Variants in UBXN7 observed in about 807,000 individuals in gnomAD.
UBXN7 encodes UBX domain-containing protein 7.
A neutral mutation model predicts 58.0 loss-of-function variants in UBXN7; 9 were observed. The observed-to-expected ratio is 0.16, with a 90% CI of 0.09 to 0.27. The LOEUF (loss-of-function observed/expected upper bound fraction) is 0.27, where lower values mean the gene tolerates loss of function less well. Among genes scored for constraint, UBXN7 ranks in the 10% least tolerant of loss-of-function variants. The probability of loss-of-function intolerance (pLI) is 1.00; values close to 1 mark genes in which losing one functional copy is unlikely to be tolerated. For synonymous variants in UBXN7, 208 were observed against 205.0 expected, an observed-to-expected ratio of 1.01 and a Z score of -0.12; for missense variants, 328 against 599.6, an observed-to-expected ratio of 0.55 and a Z score of 4.73.
chr3:196,360,182 T>C (rs1220671261), intron 10 of UBXN7, among the ~76,000 whole-genome samples: 2 of 152,192 alleles, frequency 1.3e-5, no homozygotes, highest in Non-Finnish European at 2.9e-5. Context: ...AAGCAGCAAG[T>C]GCTGATGCAG....
At chr3:196,375,023 G>A (rs1728968647) in intron 5 of UBXN7, among the ~76,000 whole-genome samples, 1 of 145,332 alleles carries the variant, frequency 6.9e-6, no homozygotes, top group Admixed American at 6.8e-5. Flanking sequence ...AGGAAGGAAG[G>A]AAGGAAGGAA....
intron 5 of UBXN7, among the ~76,000 whole-genome samples, chr3:196,390,936 A>G (rs1022231371): frequency 6.6e-6 from 1 of 152,160 alleles, no homozygotes; most frequent in Non-Finnish European, 1.5e-5. Context: ...GGTCCCAAGG[A>G]TTATTAAAAA....
chr3:196,385,356 C>G (rs1405823811), intron 5 of UBXN7, among the ~76,000 whole-genome samples: 1 of 152,188 alleles, frequency 6.6e-6, no homozygotes, highest in African/African-American at 2.4e-5. Flanking sequence ...TCGCTACAAC[C>G]TCCACCTCCC....
At chr3:196,370,775 C>G (rs1289713204) in intron 6 of UBXN7, among the ~76,000 whole-genome samples, 1 of 147,430 alleles carries the variant, frequency 6.8e-6, no homozygotes, top group Non-Finnish European at 1.5e-5. Context: ...AATCCCAGCA[C>G]TTTGGGAAGC....
chr3:196,427,173 T>G (rs948333302), intron 1 of UBXN7, among the ~76,000 whole-genome samples: 2 of 152,228 alleles, frequency 1.3e-5, no homozygotes, highest in African/African-American at 4.8e-5. Flanking sequence ...ATTATTCTGA[T>G]TACACATGTG....
chr3:196,359,968 T>A (rs1006502964), intron 10 of UBXN7, among the ~76,000 whole-genome samples: 1 of 150,614 alleles, frequency 6.6e-6, no homozygotes, highest in African/African-American at 2.4e-5. Flanking sequence ...AAGGAGAAAG[T>A]TTTAGTGGTC....
At chr3:196,368,506 TTAAG>T (rs1728730854) in intron 7 of UBXN7, among the ~76,000 whole-genome samples, 1 of 152,202 alleles carries the variant, frequency 6.6e-6, no homozygotes, top group African/African-American at 2.4e-5. Flanking sequence ...AACATTCTCA[TTAAG>T]TATCTCTTTC....
chr3:196,399,230 G>A (rs1248161875), intron 3 of UBXN7, among the ~76,000 whole-genome samples: 1 of 152,146 alleles, frequency 6.6e-6, no homozygotes, highest in Admixed American at 6.6e-5. Context: ...TGTACTCAAG[G>A]ATCAGGATTT....
At chr3:196,431,784 C>A (rs745966324) in intron 1 of UBXN7, 12 of 441,308 alleles carry the variant, frequency 2.7e-5, no homozygotes, top group Middle Eastern at 3.3e-4. Context: ...CCGAACCCAC[C>A]GGCCTTGCCG....
In UBXN7 at chr3:196,356,340, G is replaced by A. The variant is rs1728348374; in HGVS notation, c.*345C>T. The A allele has an allele frequency of 1.2e-5, 2 of 172,536 alleles. No individual in the cohort carries two copies. The highest frequency in any genetic ancestry group is 1.7e-4 in the South Asian group (1 of 5,936). The allele number at this position is 172,536 out of a possible 1,614,324, so 10.7% of individuals were successfully genotyped here. A position where few individuals can be genotyped will look rare whatever the true frequency, so the allele number is the denominator to read the frequency against. On this transcript the variant is annotated 3_prime_UTR_variant, in exon 11 of 11. Transcript: ENST00000296328. ...TAACATTTGATCCCAAAAAAGTGCC[G>A]TGCAAGAGACCACTTACTGGAACAC...
intron 1 of UBXN7, among the ~76,000 whole-genome samples, chr3:196,426,322 G>A (rs1312222116): frequency 6.8e-6 from 1 of 147,124 alleles, no homozygotes; most frequent in African/African-American, 2.5e-5. Context: ...GGAGGCGGAG[G>A]TTGCAATGAG....
intron 1 of UBXN7, among the ~76,000 whole-genome samples, chr3:196,428,250 C>T (rs775517247): frequency 6.6e-6 from 1 of 151,854 alleles, no homozygotes; most frequent in Admixed American, 6.6e-5. Context: ...TCAGTCTGAC[C>T]ATGCAAAAAA....
At chr3:196,419,636 C>CA (rs1730618720) in intron 1 of UBXN7, among the ~76,000 whole-genome samples, 1 of 152,108 alleles carries the variant, frequency 6.6e-6, no homozygotes, top group Non-Finnish European at 1.5e-5. Context: ...TTCTTAGTGT[C>CA]GAAGCACTAG....
chr3:196,370,736 AT>A (rs1358012919), intron 6 of UBXN7, among the ~76,000 whole-genome samples: 2 of 151,724 alleles, frequency 1.3e-5, no homozygotes. Flanking sequence ...AAATAAAAAA[AT>A]TGAGCCGGCA....
rs139558381 is a variant in UBXN7 at position 196,407,490 on chromosome 3, G to T, written c.74-97C>A. ...ATTAGAATTCCCAAGTAAATTAATA[G>T]TATTTTTCCCTTTTAGAATGAATGA... is the stretch of plus-strand genomic sequence containing the variant. On this transcript the variant is annotated intron_variant, in intron 1 of 10. Transcript: ENST00000296328. 4.6e-3 allele frequency: 6,701 copies of T among 1,442,474 alleles called. 23 individuals are homozygous for T. Among genetic ancestry groups the T allele is most frequent in the Middle Eastern group, 8.9e-3 (46 of 5,154 alleles). 89.4% of individuals were successfully genotyped at this position (1,442,474 alleles called of 1,614,324 possible).
chr3:196,373,593 T>C (rs1376085592), intron 5 of UBXN7, among the ~76,000 whole-genome samples: 1 of 150,698 alleles, frequency 6.6e-6, no homozygotes, highest in African/African-American at 2.5e-5. Flanking sequence ...AAGAACATAC[T>C]GGACATCATT....
intron 3 of UBXN7, among the ~76,000 whole-genome samples, chr3:196,396,648 A>G (rs1577459471): frequency 6.6e-6 from 1 of 152,098 alleles, no homozygotes; most frequent in Non-Finnish European, 1.5e-5. Flanking sequence ...CTGTAGTCCC[A>G]GCTACTCGGG....
In UBXN7 at chr3:196,368,032, C is replaced by G; in HGVS notation, c.830G>C (p.Arg277Pro). The change falls in exon 8 of 11, where the codon CGT (arginine) becomes CCT (proline). Residue 277 changes from arginine to proline, a missense_variant. Coordinates refer to ENST00000296328, the MANE Select transcript of UBXN7 (RefSeq NM_015562.2). ...LSSSPPKKCA[R>P]SESLIDASED... ...CCACCTCCTAATTATACTTACTGAA[C>G]GGGCACATTTTTTGGGGGGACTGCT... The G allele has an allele frequency of 6.2e-7, 1 of 1,612,732 alleles. No individual in the cohort carries two copies. The highest frequency in any genetic ancestry group is 8.5e-7 in the Non-Finnish European group (1 of 1,179,562).
intron 9 of UBXN7, 95 bp downstream of exon 9, chr3:196,362,199 G>T: frequency 6.9e-7 from 1 of 1,449,458 alleles, no homozygotes; most frequent in Non-Finnish European, 9.3e-7. Flanking sequence ...TTGCCATGTT[G>T]GCGAGGCTGG....
Sources: allele counts gnomAD v4.1 joint callset (sites outside exome capture counted in the v4.1 genomes callset), GRCh38; gene constraint gnomAD v4.1.1; transcripts MANE v1.5; gene names NCBI Gene and HGNC (gene_info 2026-07-23, HGNC 2026-07-21).